TMEM178B: variants seen among roughly 807,000 people sequenced by gnomAD.
TMEM178B encodes the protein transmembrane protein 178B.
A neutral mutation model predicts 31.0 loss-of-function variants in TMEM178B; 5 were observed. That is an observed-to-expected ratio of 0.16 (90% confidence interval 0.08 to 0.34). The LOEUF (loss-of-function observed/expected upper bound fraction) is 0.34, where lower values mean the gene tolerates loss of function less well. Ranked by LOEUF, TMEM178B falls within the 10% of genes least tolerant of loss-of-function variation. The probability of loss-of-function intolerance (pLI) is 1.00; values close to 1 mark genes in which losing one functional copy is unlikely to be tolerated. For synonymous variants in TMEM178B, 164 were observed against 164.0 expected (o/e 1.00, Z 0.00); for missense variants, 275 against 400.3 (o/e 0.69, Z 2.67).
At chr7:141,090,982 A>G (rs1018033710) in intron 1 of TMEM178B, among the ~76,000 whole-genome samples, 2 of 152,254 alleles carry the variant, frequency 1.3e-5, no homozygotes, top group African/African-American at 4.8e-5. Context: ...TCAGATAAGT[A>G]GAGTAATTAT....
At chr7:141,098,973 CA>C (rs934273146) in intron 1 of TMEM178B, among the ~76,000 whole-genome samples, 8 of 151,840 alleles carry the variant, frequency 5.3e-5, no homozygotes, top group African/African-American at 1.9e-4. Flanking sequence ...AAACCCAAAA[CA>C]AAACAAACAA....
At chr7:141,100,009 T>C (rs530808883) in intron 1 of TMEM178B, among the ~76,000 whole-genome samples, 16 of 152,122 alleles carry the variant, frequency 1.1e-4, no homozygotes, top group East Asian at 7.8e-4. Context: ...TTAGTAGAGA[T>C]GGGGTTTCAC....
intron 2 of TMEM178B, among the ~76,000 whole-genome samples, chr7:141,368,245 G>A (rs1287082007): frequency 2.0e-5 from 3 of 152,158 alleles, no homozygotes; most frequent in East Asian, 1.9e-4. Context: ...CTTGAACCTG[G>A]GGGGTGGAGG....
intron 3 of TMEM178B, among the ~76,000 whole-genome samples, chr7:141,439,694 A>C (rs1801621262): frequency 6.6e-6 from 1 of 152,288 alleles, no homozygotes; most frequent in South Asian, 2.1e-4. Context: ...AAGGCTCTAG[A>C]GAGGTCTCCC....
chr7:141,293,956 A>G (rs1045021688), intron 2 of TMEM178B, among the ~76,000 whole-genome samples: 1 of 152,184 alleles, frequency 6.6e-6, no homozygotes, highest in African/African-American at 2.4e-5. Flanking sequence ...TTTAATTTGA[A>G]AGGTAGCAAA....
chr7:141,439,556 A>G (rs1447427683), intron 3 of TMEM178B, among the ~76,000 whole-genome samples: 1 of 152,170 alleles, frequency 6.6e-6, no homozygotes, highest in Non-Finnish European at 1.5e-5. Flanking sequence ...TCCTTTTGCA[A>G]TCCAAATCTT....
At chr7:141,111,210 G>A (rs1246847844) in intron 1 of TMEM178B, among the ~76,000 whole-genome samples, 2 of 152,208 alleles carry the variant, frequency 1.3e-5, no homozygotes, top group Admixed American at 1.3e-4. Flanking sequence ...TTACATGGTG[G>A]CAGGCAAGAG....
chr7:141,102,965 G>A (rs1795082824), intron 1 of TMEM178B, among the ~76,000 whole-genome samples: 1 of 152,126 alleles, frequency 6.6e-6, no homozygotes, highest in South Asian at 2.1e-4. Context: ...CAGGCCTCTG[G>A]AACCACCATC....
chr7:141,388,703 C>G (rs571784907), intron 2 of TMEM178B, among the ~76,000 whole-genome samples: 1 of 152,188 alleles, frequency 6.6e-6, no homozygotes, highest in South Asian at 2.1e-4. Flanking sequence ...AAGTGGTGAG[C>G]ACTGGCTTTC....
At chr7:141,125,923 T>C (rs1204766935) in intron 1 of TMEM178B, among the ~76,000 whole-genome samples, 1 of 152,218 alleles carries the variant, frequency 6.6e-6, no homozygotes, top group African/African-American at 2.4e-5. Context: ...GAATTTCTCC[T>C]GGACCCTCAA....
At chr7:141,496,669 C>CAAAAAAAAAAA in the TMEM178B span, among the ~76,000 whole-genome samples, 13 of 33,256 alleles carry the variant, frequency 3.9e-4, 2 homozygotes, top group African/African-American at 1.4e-3. Flanking sequence ...GACTCCGTCT[C>CAAAAAAAAAAA]AAAAAAAAAA....
intron 2 of TMEM178B, among the ~76,000 whole-genome samples, chr7:141,278,327 G>A (rs1474971676): frequency 1.3e-5 from 2 of 152,180 alleles, no homozygotes; most frequent in Non-Finnish European, 2.9e-5. Context: ...CGCACCTGTA[G>A]TCCCAACACT....
At chr7:141,109,597 G>C (rs2129174908) in intron 1 of TMEM178B, among the ~76,000 whole-genome samples, 1 of 152,268 alleles carries the variant, frequency 6.6e-6, no homozygotes, top group East Asian at 1.9e-4. Context: ...TTGCAAGGGG[G>C]GGACTGTGTC....
chr7:141,496,714 A>C, the TMEM178B span, among the ~76,000 whole-genome samples: 1 of 151,074 alleles, frequency 6.6e-6, no homozygotes, highest in African/African-American at 2.5e-5. Flanking sequence ...AGGGAAAAGA[A>C]GACATGACAG....
intron 2 of TMEM178B, among the ~76,000 whole-genome samples, chr7:141,246,060 G>A (rs571031119): frequency 6.6e-6 from 1 of 152,140 alleles, no homozygotes; most frequent in African/African-American, 2.4e-5. Context: ...ACAAACTTAG[G>A]AAAAGCCTGT....
chr7:141,487,565 C>T, the TMEM178B span, among the ~76,000 whole-genome samples: 11 of 151,676 alleles, frequency 7.3e-5, no homozygotes, highest in Non-Finnish European at 1.2e-4. Context: ...CATAGTGAAA[C>T]CCCGTCTCTA....
At chr7:141,085,150 A>ATTTTTTT (rs61516388) in intron 1 of TMEM178B, among the ~76,000 whole-genome samples, 3 of 74,506 alleles carry the variant, frequency 4.0e-5, no homozygotes, top group Non-Finnish European at 7.7e-5. Flanking sequence ...GCTAATTTGT[A>ATTTTTTT]TTTTTTTTTT....
At chr7:141,468,752 A>G (rs964521735) in intron 3 of TMEM178B, among the ~76,000 whole-genome samples, 2 of 152,176 alleles carry the variant, frequency 1.3e-5, no homozygotes, top group African/African-American at 4.8e-5. Context: ...GAGGTTTAAT[A>G]GACAAAAGAA....
chr7:141,307,242 T>A lies in TMEM178B; in HGVS notation c.496+94538T>A, dbSNP rs200999501. Among the ~76,000 whole-genome samples the A allele has an allele frequency of 5.3e-5, 8 of 152,322 alleles. No individual in the cohort carries two copies. In the East Asian group the frequency reaches 1.5e-3, roughly 29 times the overall value. Reference sequence around the variant, plus strand: ...TTAGCCTGACTATTGAAATCAGACTTTTTTCCATTTAAAGGGGGCAATATT... The same window carrying A: ...TTAGCCTGACTATTGAAATCAGACTATTTTCCATTTAAAGGGGGCAATATT... On this transcript the variant is annotated intron_variant, in intron 2 of 3. Coordinates refer to ENST00000565468, the MANE Select transcript of TMEM178B (RefSeq NM_001195278.2).
Sources: gnomAD v4.1 joint callset for allele counts (sites outside exome capture counted in the v4.1 genomes callset) on GRCh38, gnomAD v4.1.1 for gene constraint, MANE v1.5 for transcripts, NCBI Gene and HGNC (gene_info 2026-07-23, HGNC 2026-07-21) for gene names.